The following DLGAP1 variants were observed in gnomAD, a reference collection of about 807,000 sequenced individuals.
DLGAP1 encodes the protein DLG associated protein 1.
In DLGAP1, 11 loss-of-function variants were observed where a neutral mutation model predicts 90.8. The ratio of observed to expected loss-of-function variants is 0.12; its 90% CI spans 0.08 to 0.20. DLGAP1 has a LOEUF of 0.20. Ranked by LOEUF, DLGAP1 falls within the 10% of genes least tolerant of loss-of-function variation. The probability of loss-of-function intolerance (pLI) is 1.00; values close to 1 mark genes in which losing one functional copy is unlikely to be tolerated. For synonymous variants in DLGAP1, 558 were observed against 540.7 expected (o/e 1.03, Z -0.44); for missense variants, 1,050 against 1,333.8 (o/e 0.79, Z 3.31).
chr18:3,637,754 A>T (rs75834773), intron 7 of DLGAP1, among the ~76,000 whole-genome samples: 8 of 149,938 alleles, frequency 5.3e-5, no homozygotes, highest in African/African-American at 2.0e-4. Flanking sequence ...CTCAAAAATT[A>T]AAAAAAAAAT....
rs148333624 is a variant in DLGAP1, at chr18:4,146,257, C to T, written c.-159+4923G>A. Among the ~76,000 whole-genome samples, 359 of 152,258 alleles carry T rather than the reference C, an allele frequency of 2.4e-3. 1 individual carries two copies. Among genetic ancestry groups the T allele is most frequent in the African/African-American group, 8.4e-3 (349 of 41,528 alleles). ...TTTAAAGTGACCTTTCAGGTAATAA[C>T]ACGGCCCCCATTTTACAGATGAAGA... On this transcript the variant is annotated intron_variant, in intron 2 of 12. Coordinates refer to ENST00000315677, the MANE Select transcript of DLGAP1 (RefSeq NM_004746.4).
chr18:4,152,944 T>C (rs1007496551), intron 1 of DLGAP1, among the ~76,000 whole-genome samples: 1 of 152,194 alleles, frequency 6.6e-6, no homozygotes, highest in Non-Finnish European at 1.5e-5. Context: ...TTTCTAAAAA[T>C]ATATAGAACT....
At chr18:4,238,713 A>G (rs868596745) in intron 1 of DLGAP1, among the ~76,000 whole-genome samples, 2 of 152,106 alleles carry the variant, frequency 1.3e-5, no homozygotes, top group Admixed American at 1.3e-4. Flanking sequence ...ATATGTAACT[A>G]CCCTTTCAGG....
chr18:3,855,298 G>A (rs1471157897), intron 4 of DLGAP1, among the ~76,000 whole-genome samples: 1 of 152,122 alleles, frequency 6.6e-6, no homozygotes, highest in Non-Finnish European at 1.5e-5. Flanking sequence ...AGGGAGGGAG[G>A]AAGGTGAAGA....
intron 6 of DLGAP1, among the ~76,000 whole-genome samples, chr18:3,741,540 C>G (rs1056595858): frequency 1.3e-5 from 2 of 151,900 alleles, no homozygotes; most frequent in Admixed American, 6.6e-5. Context: ...ACACCATCAC[C>G]AACATCACCA....
At chr18:4,425,746 A>G (rs2083137389) in intron 1 of DLGAP1, among the ~76,000 whole-genome samples, 1 of 152,162 alleles carries the variant, frequency 6.6e-6, no homozygotes, top group South Asian at 2.1e-4. Context: ...TACAGGATAG[A>G]CTGAGGGGAG....
At chr18:3,874,087 CA>C in intron 4 of DLGAP1, 1 of 1,544,586 alleles carries the variant, frequency 6.5e-7, no homozygotes, top group South Asian at 1.2e-5. Flanking sequence ...TTCCCTACCA[CA>C]AAAACCATCC....
chr18:3,726,212 C>G (rs538309651), intron 7 of DLGAP1, among the ~76,000 whole-genome samples: 1 of 152,260 alleles, frequency 6.6e-6, no homozygotes, highest in South Asian at 2.1e-4. Flanking sequence ...CCGAGATGTG[C>G]ATCTGACCCG....
chr18:3,824,131 A>G (rs988880009), intron 4 of DLGAP1, among the ~76,000 whole-genome samples: 1 of 152,112 alleles, frequency 6.6e-6, no homozygotes, highest in Non-Finnish European at 1.5e-5. Flanking sequence ...GAGCCATCAT[A>G]GCTTTCCATT....
At chr18:4,193,518 A>G (rs898253520) in intron 1 of DLGAP1, among the ~76,000 whole-genome samples, 1 of 152,202 alleles carries the variant, frequency 6.6e-6, no homozygotes, top group African/African-American at 2.4e-5. Flanking sequence ...CTAGGCTGCC[A>G]CCAATTTCCA....
intron 1 of DLGAP1, among the ~76,000 whole-genome samples, chr18:4,368,628 C>T (rs1403571457): frequency 9.5e-6 from 1 of 105,738 alleles, no homozygotes; most frequent in Non-Finnish European, 1.8e-5. Context: ...CTCTCTCTCT[C>T]TCTCTCATAC....
At chr18:4,440,791 A>G (rs1445458642) in intron 1 of DLGAP1, among the ~76,000 whole-genome samples, 4 of 152,214 alleles carry the variant, frequency 2.6e-5, no homozygotes, top group African/African-American at 9.6e-5. Context: ...TCCTCAACCA[A>G]TATTTATTTA....
intron 3 of DLGAP1, among the ~76,000 whole-genome samples, chr18:3,989,483 G>A (rs78993733): frequency 0.033 from 5,048 of 152,264 alleles, 128 homozygotes; most frequent in Admixed American, 0.049. Flanking sequence ...ATGATAACTC[G>A]TCAGGGATGA....
At chr18:3,686,920 C>T (rs751829902) in intron 7 of DLGAP1, among the ~76,000 whole-genome samples, 11 of 152,100 alleles carry the variant, frequency 7.2e-5, no homozygotes, top group East Asian at 3.9e-4. Context: ...GAGATTATCC[C>T]GGATTATTAG....
chr18:4,065,785 T>C (rs2075361754), intron 2 of DLGAP1, among the ~76,000 whole-genome samples: 1 of 152,018 alleles, frequency 6.6e-6, no homozygotes, highest in African/African-American at 2.4e-5. Flanking sequence ...CCCATTAAAC[T>C]ACCACTGACA....
chr18:3,769,911 T>C (rs1174107261), intron 5 of DLGAP1: 1 of 152,114 alleles, frequency 6.6e-6, no homozygotes, highest in East Asian at 1.9e-4. Context: ...CAACTACATG[T>C]TAATCTACAA....
At chr18:3,818,754 C>G (rs1165028620) in intron 4 of DLGAP1, among the ~76,000 whole-genome samples, 1 of 151,594 alleles carries the variant, frequency 6.6e-6, no homozygotes, top group East Asian at 2.0e-4. Context: ...CGCCACCATG[C>G]CTGGCTAATT....
rs1033446576 is a variant in DLGAP1 at position 4,454,759 on chromosome 18, T to C, written c.-267+247A>G. ...CCCGTGGGGAGCCGCGAGGACCGCA[T>C]GGCCGGAGAGGACGCGCTCGCCCCC... On this transcript the variant is annotated intron_variant, in intron 1 of 12. Coordinates refer to ENST00000315677, the MANE Select transcript of DLGAP1 (RefSeq NM_004746.4). The surrounding 1 kb of genome is among the most constrained non-coding windows in gnomAD (Gnocchi z 4.7). 2.0e-5 allele frequency among the ~76,000 whole-genome samples: 3 copies of C among 151,620 alleles called. No individual in the cohort carries two copies. Among genetic ancestry groups the C allele is most frequent in the Non-Finnish European group, 4.4e-5 (3 of 67,908 alleles).
chr18:3,843,762 G>C (rs187779895), intron 4 of DLGAP1, among the ~76,000 whole-genome samples: 16 of 152,098 alleles, frequency 1.1e-4, no homozygotes, highest in African/African-American at 3.9e-4. Context: ...GTATAAATAG[G>C]TAACATATGT....
Sources: allele counts gnomAD v4.1 joint callset (sites outside exome capture counted in the v4.1 genomes callset), GRCh38; gene constraint gnomAD v4.1.1; non-coding constraint Gnocchi (gnomAD v3.1); transcripts MANE v1.5; gene names NCBI Gene and HGNC (gene_info 2026-07-23, HGNC 2026-07-21).